The following ZNF45 variants were observed in gnomAD, a reference collection of about 807,000 sequenced individuals.
ZNF45 encodes the protein BRC1744.
A neutral mutation model predicts 12.0 loss-of-function variants in ZNF45; 4 were observed. The ratio of observed to expected loss-of-function variants is 0.33; its 90% CI spans 0.16 to 0.76. The LOEUF (loss-of-function observed/expected upper bound fraction) is 0.76. ZNF45 is among the 30% of genes least tolerant of loss of function. The pLI is 0.60. For missense variants in ZNF45, 700 were observed against 813.0 expected (o/e 0.86, Z 1.69); for synonymous variants, 272 against 279.6 (o/e 0.97, Z 0.27).
chr19:43,918,618 A>G (rs546998335), intron 9 of ZNF45, among the ~76,000 whole-genome samples: 2 of 152,334 alleles, frequency 1.3e-5, no homozygotes, highest in Admixed American at 1.3e-4. Context: ...AATGTCAGAA[A>G]TAAAATTCCG....
At chr19:43,915,426 G>A (rs780961698) in intron 9 of ZNF45, among the ~76,000 whole-genome samples, 1 of 152,240 alleles carries the variant, frequency 6.6e-6, no homozygotes, top group Admixed American at 6.5e-5. Flanking sequence ...TTCATTGGAA[G>A]TTTATTCCAA....
chr19:43,925,567 G>A (rs1263211233), intron 3 of ZNF45, 109 bp from the exon 4 acceptor site: 1 of 149,706 alleles, frequency 6.7e-6, no homozygotes, highest in African/African-American at 2.6e-5. Context: ...TCAGATAGAA[G>A]AACCCTTACT....
intron 9 of ZNF45, among the ~76,000 whole-genome samples, chr19:43,916,056 A>G (rs1972643305): frequency 6.6e-6 from 1 of 151,936 alleles, no homozygotes; most frequent in African/African-American, 2.4e-5. Flanking sequence ...TGACCTCGTG[A>G]TCCACCTGCC....
chr19:43,918,919 TTCTCTC>T lies in ZNF45; in HGVS notation c.180_185del (p.Arg61_Glu62del), dbSNP rs1222862031. On this transcript the variant is annotated inframe_deletion, in exon 9 of 10. Transcript: ENST00000269973. Reference sequence around the variant, plus strand: ...CCATCTTCATCATCCACAGCTTTTCTTCTCTCTCTAACTGTGGTAGGCCATCTGGTG... The same window carrying T: ...CCATCTTCATCATCCACAGCTTTTCTTCTAACTGTGGTAGGCCATCTGGTG... The T allele has an allele frequency of 6.2e-7, 1 of 1,614,150 alleles. No individual in the cohort carries two copies. The highest frequency in any genetic ancestry group is 1.7e-5 in the Admixed American group (1 of 60,026).
intron 9 of ZNF45, among the ~76,000 whole-genome samples, chr19:43,918,198 G>A (rs1302287202): frequency 1.3e-5 from 2 of 152,190 alleles, no homozygotes; most frequent in African/African-American, 4.8e-5. Flanking sequence ...TTGGGGACCT[G>A]CCTAAAACGT....
chr19:43,920,555 C>G (rs966530439), intron 7 of ZNF45, among the ~76,000 whole-genome samples: 51 of 70,240 alleles, frequency 7.3e-4, no homozygotes, highest in Non-Finnish European at 1.1e-3. Flanking sequence ...GGGCAGTGGG[C>G]GGTAAAGTCA....
In ZNF45 at chr19:43,914,135, T is replaced by C; in HGVS notation, c.1301A>G (p.His434Arg). Residue 434 changes from histidine (H) to arginine (R), a missense_variant, in exon 10 of 10, where the codon CAT becomes CGT. By Grantham distance (29) the His-to-Arg change is conservative (BLOSUM62 0). Coordinates refer to ENST00000269973, the MANE Select transcript of ZNF45 (RefSeq NM_003425.4). ...GFSRSSDFNIHFRVHTGEKPY... is the reference protein window; with the variant it reads ...GFSRSSDFNIRFRVHTGEKPY... The stretch of plus-strand genomic sequence containing the variant: ...TTTTTCCCCTGTATGGACTCTAAAA[T>C]GAATGTTAAAATCTGAGCTACGACT... 6.2e-7 allele frequency: 1 copy of C among 1,613,776 alleles called. No homozygotes were observed. Among genetic ancestry groups the C allele is most frequent in the African/African-American group, 1.3e-5 (1 of 74,928 alleles).
Position 43,913,543 on chromosome 19 carries a change from T to C in ZNF45, c.1893A>G (p.Gln631=), listed in dbSNP as rs577243801. The C allele has an allele frequency of 3.8e-6, 6 of 1,592,586 alleles. No homozygotes were observed. Among genetic ancestry groups the C allele is most frequent in the African/African-American group, 2.8e-5 (2 of 70,686 alleles). The change falls in exon 10 of 10, where the codon CAA becomes CAG. Residue 631 remains glutamine, a synonymous_variant. Transcript: ENST00000269973. ...ATGGTTTTTCTCCGGTGTGAACTCT[T>C]TGATGGGCTTGAAGGTATGAGCTCC... ...FSWSSYLQAH[Q]RVHTGEKPYK...
rs562853217 is a variant in ZNF45 at position 43,922,460 on chromosome 19, A to G, written c.-32-243T>C. ...CCCGACCACACAGAGTATGCCCCCAACATAATTTCTCCTTGTGGCTCTCAG... is the reference window on the plus strand; with the variant it reads ...CCCGACCACACAGAGTATGCCCCCAGCATAATTTCTCCTTGTGGCTCTCAG... On this transcript the variant is annotated intron_variant, in intron 6 of 9. Coordinates refer to ENST00000269973, the MANE Select transcript of ZNF45 (RefSeq NM_003425.4). Among the ~76,000 whole-genome samples, 7 of 152,244 alleles carry G rather than the reference A, an allele frequency of 4.6e-5. No individual in the cohort carries two copies. The South Asian group carries it at 1.2e-3, about 27-fold the overall frequency.
At chr19:43,927,221 T>C (rs1973755807) in intron 3 of ZNF45, among the ~76,000 whole-genome samples, 1 of 152,206 alleles carries the variant, frequency 6.6e-6, no homozygotes, top group Non-Finnish European at 1.5e-5. Flanking sequence ...TCTAGGTATT[T>C]ACTTACTTAT....
rs1258367047 is a variant in ZNF45, at chr19:43,935,213, T to A, written c.-1045A>T. 6 of 152,156 alleles carry A rather than the reference T, an allele frequency of 3.9e-5. No homozygotes were observed. The Middle Eastern group carries it at 0.01, about 259-fold the overall frequency. 9.4% of individuals were successfully genotyped at this position (152,156 alleles called of 1,614,324 possible). A position where few individuals can be genotyped will look rare whatever the true frequency, so the allele number is the denominator to read the frequency against. On this transcript the variant is annotated 5_prime_UTR_variant, in exon 1 of 10. Transcript: ENST00000269973. ...ATAAAAGTTAAAACAGGTCGCGGGG[T>A]CCCAGGACTCACTCACTTCCACGAG...
In ZNF45 at chr19:43,919,442, A is replaced by C. The variant is rs1972950064; in HGVS notation, c.142+131T>G. 3 of 1,165,650 alleles carry C rather than the reference A, an allele frequency of 2.6e-6. No homozygotes were observed. The African/African-American group carries it at 4.7e-5, about 18-fold the overall frequency. The allele number at this position is 1,165,650 out of a possible 1,614,324, so 72.2% of individuals were successfully genotyped here. On this transcript the variant is annotated intron_variant, in intron 8 of 9. Coordinates refer to ENST00000269973, the MANE Select transcript of ZNF45 (RefSeq NM_003425.4). ...TTGCCAGGGGAGAAAGACTTTAAAAATTCCATATCTGTCTTATGATGGATG... is the reference window on the plus strand; with the variant it reads ...TTGCCAGGGGAGAAAGACTTTAAAACTTCCATATCTGTCTTATGATGGATG...
At chr19:43,928,098 T>C (rs1973834042) in intron 3 of ZNF45, among the ~76,000 whole-genome samples, 1 of 148,874 alleles carries the variant, frequency 6.7e-6, no homozygotes, top group South Asian at 2.1e-4. Context: ...GGAGAATTGC[T>C]TGAACCTGGG....
chr19:43,932,225 A>C (rs545498578), intron 3 of ZNF45, among the ~76,000 whole-genome samples: 1 of 152,312 alleles, frequency 6.6e-6, no homozygotes, highest in Admixed American at 6.5e-5. Flanking sequence ...AATCCCAGCT[A>C]CTGGGGAGGC....
chr19:43,914,192 G>A lies in ZNF45; in HGVS notation c.1244C>T (p.Pro415Leu), dbSNP rs762696029. The A allele has an allele frequency of 5.6e-6, 9 of 1,606,278 alleles. No homozygotes were observed. Among genetic ancestry groups the A allele is most frequent in the Non-Finnish European group, 6.8e-6 (8 of 1,174,428 alleles). ...DHQRGHTGEK[P>L]YQCDACGKGF... Reference sequence around the variant, plus strand: ...CTTACCACATGCATCACACTGATACGGTTTCTCTCCAGTATGGCCTCTTTG... The same window carrying A: ...CTTACCACATGCATCACACTGATACAGTTTCTCTCCAGTATGGCCTCTTTG... Residue 415 changes from proline to leucine, a missense_variant, in exon 10 of 10, where the codon CCG becomes CTG. By Grantham distance (98) the Pro-to-Leu change is moderately conservative (BLOSUM62 -3). Coordinates refer to ENST00000269973, the MANE Select transcript of ZNF45 (RefSeq NM_003425.4).
At chr19:43,932,869 A>G (rs1259990235) in intron 2 of ZNF45, among the ~76,000 whole-genome samples, 179 bp from the exon 3 acceptor site, 2 of 152,210 alleles carry the variant, frequency 1.3e-5, no homozygotes, top group African/African-American at 2.4e-5. Flanking sequence ...GTTAATATCT[A>G]TTATGGGCTG....
At chr19:43,920,101 T>A (rs1743262986) in intron 7 of ZNF45, among the ~76,000 whole-genome samples, 1 of 152,218 alleles carries the variant, frequency 6.6e-6, no homozygotes, top group African/African-American at 2.4e-5. Flanking sequence ...AACCAATTTT[T>A]AAAAAATCCT....
In ZNF45 at chr19:43,913,860, T is replaced by C; in HGVS notation, c.1576A>G (p.Lys526Glu). The change falls in exon 10 of 10, where the codon AAA (lysine) becomes GAA (glutamate). Residue 526 changes from lysine to glutamate, a missense_variant. Lys to Glu is a moderately conservative substitution (Grantham distance 56, BLOSUM62 1). Coordinates refer to ENST00000269973, the MANE Select transcript of ZNF45 (RefSeq NM_003425.4). The stretch of plus-strand genomic sequence containing the variant: ...CCACACTCTGCACACTGATATGGTT[T>C]CTCTCCAGTGTGAACTCTCTGATGC... ...QVHQRVHTGE[K>E]PYQCAECGKG... is the part of the protein sequence containing the mutation. 2 of 1,613,826 alleles carry C rather than the reference T, an allele frequency of 1.2e-6. No homozygotes were observed. The highest frequency in any genetic ancestry group is 1.7e-6 in the Non-Finnish European group (2 of 1,179,884).
intron 2 of ZNF45, among the ~76,000 whole-genome samples, chr19:43,933,791 T>A (rs1974316235): frequency 6.6e-6 from 1 of 152,220 alleles, no homozygotes; most frequent in African/African-American, 2.4e-5. Context: ...TTAAGGAAAT[T>A]TGTAATATTT....
Sources: allele counts gnomAD v4.1 joint callset (sites outside exome capture counted in the v4.1 genomes callset), GRCh38; gene constraint gnomAD v4.1.1; transcripts MANE v1.5; gene names NCBI Gene and HGNC (gene_info 2026-07-23, HGNC 2026-07-21).